NEK10: variants seen among roughly 807,000 people sequenced by gnomAD.
NEK10 encodes NIMA related kinase 10, also known as serine/threonine-protein kinase Nek10.
In NEK10, 122 loss-of-function variants were observed where a neutral mutation model predicts 159.8. The observed-to-expected ratio is 0.76, with a 90% CI of 0.66 to 0.89. NEK10 has a LOEUF of 0.89. Ranked by LOEUF, NEK10 falls within the 40% of genes least tolerant of loss-of-function variation. The pLI, the probability that NEK10 is intolerant of heterozygous loss-of-function variation, is 0.00. For synonymous variants in NEK10, 466 were observed against 457.1 expected (o/e 1.02, Z -0.25); for missense variants, 1,342 against 1,323.1 (o/e 1.01, Z -0.22).
intron 26 of NEK10, among the ~76,000 whole-genome samples, chr3:27,177,705 A>G (rs993135264): frequency 1.3e-5 from 2 of 152,058 alleles, no homozygotes; most frequent in Admixed American, 6.6e-5. Context: ...TGAGTATCCA[A>G]CTCTTTATAA....
intron 5 of NEK10, among the ~76,000 whole-genome samples, chr3:27,331,262 A>AAAAAAAAAAAAAAAAAAAAAAAAAACAC: frequency 1.8e-5 from 2 of 110,080 alleles, no homozygotes; most frequent in Non-Finnish European, 3.9e-5. Flanking sequence ...AAAAAAAAAA[A>AAAAAAAAAAAAAAAAAAAAAAAAAACAC]ACACACAAAC....
chr3:27,147,274 T>A (rs751269977), intron 30 of NEK10, among the ~76,000 whole-genome samples: 1 of 152,096 alleles, frequency 6.6e-6, no homozygotes, highest in Non-Finnish European at 1.5e-5. Flanking sequence ...ACTGAGACAC[T>A]GAGAATATGA....
intron 13 of NEK10, 70 bp downstream of exon 13, chr3:27,301,626 C>T: frequency 7.9e-7 from 1 of 1,266,058 alleles, no homozygotes; most frequent in Non-Finnish European, 1.1e-6. Flanking sequence ...CACTACTACA[C>T]TAATCTATGA....
intron 26 of NEK10, among the ~76,000 whole-genome samples, chr3:27,180,484 C>A (rs1444267510): frequency 6.6e-6 from 1 of 151,662 alleles, no homozygotes; most frequent in Non-Finnish European, 1.5e-5. Flanking sequence ...GTACAGAGAA[C>A]AATCAAGTGG....
intron 31 of NEK10, among the ~76,000 whole-genome samples, chr3:27,139,406 A>T (rs967534857): frequency 2.6e-5 from 4 of 152,176 alleles, no homozygotes; most frequent in African/African-American, 4.8e-5. Flanking sequence ...TGAGGGTCAA[A>T]TCCATAACTA....
chr3:27,324,058 G>C (rs542328951), intron 5 of NEK10, among the ~76,000 whole-genome samples: 1 of 152,296 alleles, frequency 6.6e-6, no homozygotes, highest in South Asian at 2.1e-4. Context: ...GCCTCTATGA[G>C]CTCAGAAGGT....
At chr3:27,215,037 C>T in intron 23 of NEK10, 1 of 595,396 alleles carries the variant, frequency 1.7e-6, no homozygotes, top group African/African-American at 1.9e-5. Flanking sequence ...CCACCGGCGC[C>T]TCCAGCTTTC....
intron 23 of NEK10, among the ~76,000 whole-genome samples, chr3:27,247,517 T>A (rs1955191696): frequency 6.6e-6 from 1 of 152,136 alleles, no homozygotes; most frequent in South Asian, 2.1e-4. Context: ...TTTGATTTGC[T>A]AGAATTTTGT....
At chr3:27,264,142 C>T (rs1447101240) in intron 22 of NEK10, among the ~76,000 whole-genome samples, 1 of 151,974 alleles carries the variant, frequency 6.6e-6, no homozygotes, top group Non-Finnish European at 1.5e-5. Context: ...GATTCTAAAG[C>T]CCCAAATCTC....
intron 13 of NEK10, among the ~76,000 whole-genome samples, chr3:27,299,324 T>G (rs1005802592): frequency 6.6e-6 from 1 of 152,184 alleles, no homozygotes; most frequent in African/African-American, 2.4e-5. Context: ...CTTGGCAGCT[T>G]CCATGTGGTG....
chr3:27,223,496 C>A lies in NEK10; in HGVS notation c.2091-20939G>T, dbSNP rs528656997. 3.3e-5 allele frequency among the ~76,000 whole-genome samples: 5 copies of A among 152,300 alleles called. No homozygotes were observed. In the East Asian group the frequency reaches 9.6e-4, roughly 29 times the overall value. On this transcript the variant is annotated intron_variant, in intron 23 of 35. Coordinates refer to ENST00000691995, the MANE Select transcript of NEK10 (RefSeq NM_001394966.1). ...CGCATATGAAATCACCATATAAAAA[C>A]AATTCTCAATACCTGGCTGCTCTGT... is the stretch of plus-strand genomic sequence containing the variant.
chr3:27,204,302 T>A (rs1383406516), intron 23 of NEK10, among the ~76,000 whole-genome samples: 1 of 49,892 alleles, frequency 2.0e-5, no homozygotes. Context: ...TTTGTTGTTG[T>A]TTTTTTTTTT....
intron 20 of NEK10, among the ~76,000 whole-genome samples, chr3:27,287,405 T>G (rs1442395922): frequency 6.6e-6 from 1 of 152,236 alleles, no homozygotes. Context: ...TAGTTTTCTT[T>G]TTCCTTGATC....
rs753223042 is a variant in NEK10 at position 27,171,893 on chromosome 3, ATAACT to A, written c.2777-25_2777-21del. On this transcript the variant is annotated intron_variant, in intron 28 of 35. Transcript: ENST00000691995. ...AAATGTCTGAGACGAGAAAATAGAA[ATAACT>A]TTACATTATTTCCTCTGCAAATCTT... 6.2e-7 allele frequency: 1 copy of A among 1,605,284 alleles called. No homozygotes were observed. The highest frequency in any genetic ancestry group is 1.1e-5 in the South Asian group (1 of 89,756).
intron 30 of NEK10, chr3:27,162,480 A>G: frequency 6.2e-7 from 1 of 1,614,132 alleles, no homozygotes; most frequent in Non-Finnish European, 8.5e-7. Context: ...TGAGATTTCG[A>G]AGAATCACAG....
intron 23 of NEK10, among the ~76,000 whole-genome samples, chr3:27,236,592 G>A (rs1382905894): frequency 6.6e-6 from 1 of 152,062 alleles, no homozygotes; most frequent in Non-Finnish European, 1.5e-5. Flanking sequence ...GCCTCCAGGG[G>A]GTGACATCAC....
At chr3:27,199,432 G>A (rs998259587) in intron 25 of NEK10, among the ~76,000 whole-genome samples, 6 of 152,094 alleles carry the variant, frequency 3.9e-5, no homozygotes, top group Admixed American at 6.6e-5. Flanking sequence ...AGTCAGAATG[G>A]CTATTATTAA....
chr3:27,312,573 A>G (rs1429032234), intron 7 of NEK10, among the ~76,000 whole-genome samples: 1 of 152,054 alleles, frequency 6.6e-6, no homozygotes, highest in Non-Finnish European at 1.5e-5. Context: ...TACATTGTAT[A>G]TATTTTACTG....
In NEK10 at chr3:27,344,310, C is replaced by G. The variant is rs1461917148; in HGVS notation, c.324G>C (p.Glu108Asp). 1 of 1,598,872 alleles carries G rather than the reference C, an allele frequency of 6.3e-7. No homozygotes were observed. The highest frequency in any genetic ancestry group is 1.3e-5 in the African/African-American group (1 of 74,710). The change falls in exon 5 of 36, where the codon GAG becomes GAC. Residue 108 changes from glutamate (E) to aspartate (D), a missense_variant. Transcript: ENST00000691995. ...TATTTTTCACCAAGGCGGTAAAGAT[C>G]TCCTGAAATAGTTTACGCTGAGGAT... ...SKHPQRKLFQ[E>D]IFTALVKNRL...
Sources: gnomAD v4.1 joint callset for allele counts (sites outside exome capture counted in the v4.1 genomes callset) on GRCh38, gnomAD v4.1.1 for gene constraint, MANE v1.5 for transcripts, NCBI Gene and HGNC (gene_info 2026-07-23, HGNC 2026-07-21) for gene names.